SERGEF: variants seen among roughly 807,000 people sequenced by gnomAD.
SERGEF encodes the protein secretion regulating guanine nucleotide exchange factor.
A neutral mutation model predicts 50.0 loss-of-function variants in SERGEF; 51 were observed. The observed-to-expected ratio is 1.02, with a 90% confidence interval of 0.81 to 1.29. SERGEF has a LOEUF of 1.29. Among genes scored for constraint, SERGEF ranks in the 50% most tolerant of loss-of-function variants. SERGEF has a pLI of 0.00. For missense variants in SERGEF, 521 were observed against 557.0 expected (o/e 0.94, Z 0.65); for synonymous variants, 205 against 212.4 (o/e 0.97, Z 0.30).
chr11:17,857,156 A>C (rs1056113410), intron 10 of SERGEF, among the ~76,000 whole-genome samples: 1 of 152,134 alleles, frequency 6.6e-6, no homozygotes, highest in Non-Finnish European at 1.5e-5. Flanking sequence ...CTCACCTCTA[A>C]AGTTGCCGAC....
At chr11:17,792,731 A>T (rs555716109) in intron 10 of SERGEF, among the ~76,000 whole-genome samples, 8 of 152,284 alleles carry the variant, frequency 5.3e-5, no homozygotes, top group African/African-American at 1.9e-4. Context: ...TTCTCATTTT[A>T]GAGAGAATAA....
At chr11:17,893,813 CTA>C (rs1242624797) in intron 9 of SERGEF, among the ~76,000 whole-genome samples, 4 of 152,170 alleles carry the variant, frequency 2.6e-5, no homozygotes, top group Non-Finnish European at 4.4e-5. Context: ...ATGGAATAAA[CTA>C]TCACTCAAAC....
rs182298420 is a variant in SERGEF, at chr11:17,989,194, T to G, written c.686-439A>C. ...CTTAAATTTTTTAAACATAAGATTATTTCACTGCATGCCCTGTCCAGCAGA... is the reference window on the plus strand; with the variant it reads ...CTTAAATTTTTTAAACATAAGATTAGTTCACTGCATGCCCTGTCCAGCAGA... On this transcript the variant is annotated intron_variant, in intron 7 of 10. Transcript: ENST00000265965. Among the ~76,000 whole-genome samples the G allele has an allele frequency of 3.9e-5, 6 of 152,348 alleles. No homozygotes were observed. The East Asian group carries it at 1.2e-3, about 29-fold the overall frequency.
At chr11:17,935,745 A>T (rs547128127) in intron 9 of SERGEF, among the ~76,000 whole-genome samples, 43 of 152,328 alleles carry the variant, frequency 2.8e-4, no homozygotes, top group South Asian at 1.4e-3. Flanking sequence ...CCAGGCAGTG[A>T]CTGAAGAACT....
chr11:17,847,506 A>G (rs531097596), intron 10 of SERGEF, among the ~76,000 whole-genome samples: 1 of 152,224 alleles, frequency 6.6e-6, no homozygotes, highest in African/African-American at 2.4e-5. Context: ...TGTAAAATGG[A>G]GAAAATAAAA....
intron 9 of SERGEF, among the ~76,000 whole-genome samples, chr11:17,937,979 A>G (rs1279587811): frequency 6.6e-6 from 1 of 152,200 alleles, no homozygotes; most frequent in Non-Finnish European, 1.5e-5. Context: ...GCCAAGAAAT[A>G]GAGATCCTCC....
chr11:17,841,863 GC>G lies in SERGEF; in HGVS notation c.1048+36344del, dbSNP rs966613233. ...CCATGGGGGCCATATTTGTCCATATGCCTAGAAAGCTTTCTCTCCACCCTAC... is the reference window on the plus strand; with the variant it reads ...CCATGGGGGCCATATTTGTCCATATGCTAGAAAGCTTTCTCTCCACCCTAC... On this transcript the variant is annotated intron_variant, in intron 10 of 10. Transcript: ENST00000265965. Among the ~76,000 whole-genome samples the G allele has an allele frequency of 8.2e-4, 124 of 152,104 alleles. 4 individuals carry two copies. Among genetic ancestry groups the G allele is most frequent in the Admixed American group, 5.9e-4 (9 of 15,280 alleles).
chr11:18,011,758 C>CCT (rs1034117688), intron 1 of SERGEF, among the ~76,000 whole-genome samples: 31 of 152,270 alleles, frequency 2.0e-4, no homozygotes, highest in Admixed American at 1.4e-3. Context: ...ACGCCAGTCT[C>CCT]CTGCCTGGAA....
chr11:17,849,448 C>A (rs1263287472), intron 10 of SERGEF, among the ~76,000 whole-genome samples: 1 of 152,160 alleles, frequency 6.6e-6, no homozygotes, highest in Admixed American at 6.5e-5. Flanking sequence ...AAGCTGCCTC[C>A]AGCTTCTGTT....
chr11:17,963,366 A>G (rs1468421910), intron 8 of SERGEF, among the ~76,000 whole-genome samples: 4 of 85,342 alleles, frequency 4.7e-5, no homozygotes, highest in African/African-American at 1.9e-4. Context: ...ACTATTAGTA[A>G]AAAAAAAAAA....
intron 9 of SERGEF, among the ~76,000 whole-genome samples, chr11:17,920,838 C>T (rs539880785): frequency 3.3e-5 from 5 of 152,316 alleles, no homozygotes; most frequent in African/African-American, 9.6e-5. Context: ...ACCAAGAGAA[C>T]GAATGGTTTC....
chr11:17,975,136 A>G (rs1853342533), intron 8 of SERGEF, among the ~76,000 whole-genome samples: 1 of 152,186 alleles, frequency 6.6e-6, no homozygotes, highest in Non-Finnish European at 1.5e-5. Context: ...AACACCCCCA[A>G]ACTTGACAAG....
chr11:17,802,198 G>A (rs1590122244), intron 10 of SERGEF, among the ~76,000 whole-genome samples: 1 of 152,188 alleles, frequency 6.6e-6, no homozygotes, highest in Non-Finnish European at 1.5e-5. Flanking sequence ...ATGAGACCCT[G>A]CAGCCAGACT....
rs1192967030 is a variant in SERGEF at position 17,992,190 on chromosome 11, C to T, written c.685+741G>A. On this transcript the variant is annotated intron_variant, in intron 7 of 10. Transcript: ENST00000265965. ...AGTTAAGACAGAAAAACAGATAGATCAAAGAGATGAAGTAGATAAATTAGA... is the reference window on the plus strand; with the variant it reads ...AGTTAAGACAGAAAAACAGATAGATTAAAGAGATGAAGTAGATAAATTAGA... 2.0e-5 allele frequency among the ~76,000 whole-genome samples: 3 copies of T among 151,714 alleles called. No homozygotes were observed. The East Asian group carries it at 5.8e-4, about 29-fold the overall frequency.
At chr11:17,915,388 T>G (rs1435717056) in intron 9 of SERGEF, among the ~76,000 whole-genome samples, 3 of 152,198 alleles carry the variant, frequency 2.0e-5, no homozygotes, top group Non-Finnish European at 2.9e-5. Flanking sequence ...CCTCCCCTTT[T>G]TAAAGAGAAA....
intron 9 of SERGEF, among the ~76,000 whole-genome samples, chr11:17,905,264 T>A (rs1224563524): frequency 1.3e-5 from 2 of 152,254 alleles, no homozygotes; most frequent in African/African-American, 4.8e-5. Context: ...CTAACAAACA[T>A]TGTCTTTAAA....
intron 9 of SERGEF, among the ~76,000 whole-genome samples, chr11:17,881,975 A>C (rs1851339495): frequency 6.6e-6 from 1 of 152,198 alleles, no homozygotes; most frequent in Admixed American, 6.5e-5. Context: ...GCTACTCATG[A>C]ACCTTCAAAC....
intron 9 of SERGEF, among the ~76,000 whole-genome samples, chr11:17,906,128 C>T (rs188257389): frequency 1.4e-4 from 22 of 152,292 alleles, no homozygotes; most frequent in Admixed American, 1.2e-3. Flanking sequence ...TGTTGGTGCT[C>T]AGCACTGACA....
chr11:17,803,663 T>C (rs956456024), intron 10 of SERGEF, among the ~76,000 whole-genome samples: 1 of 152,248 alleles, frequency 6.6e-6, no homozygotes, highest in Non-Finnish European at 1.5e-5. Context: ...CCCTCTGCTG[T>C]TGGGATTGCC....
Sources: allele counts gnomAD v4.1 joint callset (sites outside exome capture counted in the v4.1 genomes callset), GRCh38; gene constraint gnomAD v4.1.1; transcripts MANE v1.5; gene names NCBI Gene and HGNC (gene_info 2026-07-23, HGNC 2026-07-21).